The following KCNIP4 variants were observed in gnomAD, a reference collection of about 807,000 sequenced individuals.
KCNIP4 encodes the protein Kv channel-interacting protein 4.
KCNIP4 carries 12 observed loss-of-function variants against 34.0 expected under a neutral mutation model. The ratio of observed to expected loss-of-function variants is 0.35; its 90% CI spans 0.23 to 0.57. The LOEUF is 0.57. Among genes scored for constraint, KCNIP4 ranks in the 20% least tolerant of loss-of-function variants. KCNIP4 has a pLI of 0.83. For synonymous variants in KCNIP4, 124 were observed against 102.2 expected (o/e 1.21, Z -1.29); for missense variants, 238 against 311.7 (o/e 0.76, Z 1.78).
At chr4:20,920,599 G>GT (rs1177019154) in intron 1 of KCNIP4, among the ~76,000 whole-genome samples, 81 of 152,302 alleles carry the variant, frequency 5.3e-4, no homozygotes, top group African/African-American at 1.7e-3. Context: ...GTCTAGTCAT[G>GT]TTTTTATGAG....
intron 3 of KCNIP4, among the ~76,000 whole-genome samples, chr4:20,817,604 A>G (rs1716571194): frequency 6.8e-6 from 1 of 146,082 alleles, no homozygotes; most frequent in African/African-American, 2.5e-5. Flanking sequence ...CTATCACCTT[A>G]TTGCCATTTA....
chr4:21,837,303 G>A (rs11725110), intron 1 of KCNIP4, among the ~76,000 whole-genome samples: 11,814 of 150,186 alleles, frequency 0.079, 550 homozygotes, highest in Middle Eastern at 0.14. Context: ...GGGGGCCAAG[G>A]TGGGTGGATC....
At chr4:21,642,405 G>A (rs1444257758) in intron 1 of KCNIP4, among the ~76,000 whole-genome samples, 1 of 152,066 alleles carries the variant, frequency 6.6e-6, no homozygotes, top group South Asian at 2.1e-4. Context: ...TTGAAGACTC[G>A]GTTACAGTGT....
chr4:21,496,642 T>A (rs775412306), intron 1 of KCNIP4, among the ~76,000 whole-genome samples: 6 of 152,154 alleles, frequency 3.9e-5, no homozygotes, highest in Non-Finnish European at 8.8e-5. Flanking sequence ...GTCCCCAACC[T>A]TGGGGCTGTG....
intron 1 of KCNIP4, among the ~76,000 whole-genome samples, chr4:21,125,227 T>TTTTATTTTATTTTATTTTATTTTA (rs1298614373): frequency 6.7e-6 from 1 of 150,072 alleles, no homozygotes; most frequent in Non-Finnish European, 1.5e-5. Context: ...TTTTATTTTA[T>TTTTATTTTATTTTATTTTATTTTA]TTTATTGTGA....
At chr4:21,328,608 T>C (rs2109318224) in intron 1 of KCNIP4, among the ~76,000 whole-genome samples, 1 of 152,314 alleles carries the variant, frequency 6.6e-6, no homozygotes, top group South Asian at 2.1e-4. Flanking sequence ...CACTCATTTC[T>C]TTAGGGCGCC....
chr4:21,457,811 G>A (rs1043065386), intron 1 of KCNIP4, among the ~76,000 whole-genome samples: 13 of 151,846 alleles, frequency 8.6e-5, no homozygotes, highest in African/African-American at 3.1e-4. Context: ...ATTGCTCTAT[G>A]GTAAAAAAGA....
At chr4:21,610,414 A>G (rs1289600349) in intron 1 of KCNIP4, among the ~76,000 whole-genome samples, 1 of 152,188 alleles carries the variant, frequency 6.6e-6, no homozygotes. Context: ...CAGCAGTGAT[A>G]TTGGCTTAGG....
intron 1 of KCNIP4, among the ~76,000 whole-genome samples, chr4:20,995,774 C>T (rs1236040515): frequency 1.3e-5 from 2 of 152,112 alleles, no homozygotes; most frequent in Non-Finnish European, 2.9e-5. Context: ...CACCTCACTG[C>T]ATTTGTGCAA....
intron 1 of KCNIP4, among the ~76,000 whole-genome samples, chr4:21,575,016 T>C (rs1386495482): frequency 6.6e-6 from 1 of 152,208 alleles, no homozygotes; most frequent in Non-Finnish European, 1.5e-5. Context: ...TGTATGTCAT[T>C]ATATATGACT....
At position 21,135,429 on chromosome 4, in the gene KCNIP4, A is replaced by G. The variant is rs1285361155; in HGVS notation, c.62-252720T>C. Among the ~76,000 whole-genome samples the G allele has an allele frequency of 7.2e-5, 11 of 152,184 alleles. No homozygotes were observed. In the South Asian group the frequency reaches 2.3e-3, roughly 31 times the overall value. Reference sequence around the variant, plus strand: ...CCCCATTTTTGTAGACCTTTTACTCATAGAAAATATGGGCTCTATCAGATA... The same window carrying G: ...CCCCATTTTTGTAGACCTTTTACTCGTAGAAAATATGGGCTCTATCAGATA... On this transcript the variant is annotated intron_variant, in intron 1 of 8. Transcript: ENST00000382152.
intron 1 of KCNIP4, among the ~76,000 whole-genome samples, chr4:21,506,147 A>T (rs1733830108): frequency 6.6e-6 from 1 of 152,130 alleles, no homozygotes; most frequent in Non-Finnish European, 1.5e-5. Flanking sequence ...TATGACTATT[A>T]TGTGGACATG....
chr4:21,105,139 A>G (rs531451104), intron 1 of KCNIP4, among the ~76,000 whole-genome samples: 1 of 151,626 alleles, frequency 6.6e-6, no homozygotes, highest in African/African-American at 2.4e-5. Context: ...GAAGAAAGTC[A>G]TTGGTAGCTT....
chr4:21,095,188 G>C (rs1346893762), intron 1 of KCNIP4, among the ~76,000 whole-genome samples: 1 of 152,198 alleles, frequency 6.6e-6, no homozygotes, highest in Non-Finnish European at 1.5e-5. Flanking sequence ...ATAAATGTAT[G>C]CATGTGTGAT....
At chr4:21,005,924 A>G (rs1738515033) in intron 1 of KCNIP4, among the ~76,000 whole-genome samples, 1 of 152,206 alleles carries the variant, frequency 6.6e-6, no homozygotes, top group South Asian at 2.1e-4. Context: ...TGAAATTTGC[A>G]TGCAAACTTT....
chr4:21,257,749 CAAAAAAAA>C lies in KCNIP4; in HGVS notation c.62-375048_62-375041del, dbSNP rs34379604. Among the ~76,000 whole-genome samples the C allele has an allele frequency of 2.9e-3, 297 of 103,552 alleles. 2 individuals carry two copies. The highest frequency in any genetic ancestry group is 0.012 in the African/African-American group (278 of 23,068). The allele number at this position is 103,552 out of a possible 152,430, so 67.9% of individuals were successfully genotyped here. A position where few individuals can be genotyped will look rare whatever the true frequency, so the allele number is the denominator to read the frequency against. Reference sequence around the variant, plus strand: ...TGGGTGACACAGCAAGACTCAGTCTCAAAAAAAAAAAAAAAAGAAAGAAAGAAAAAGAA... The same window carrying C: ...TGGGTGACACAGCAAGACTCAGTCTCAAAAAAAAGAAAGAAAGAAAAAGAA... On this transcript the variant is annotated intron_variant, in intron 1 of 8. Coordinates refer to ENST00000382152, the MANE Select transcript of KCNIP4 (RefSeq NM_025221.6).
At chr4:21,903,309 C>T (rs1373840621) in intron 1 of KCNIP4, among the ~76,000 whole-genome samples, 1 of 151,772 alleles carries the variant, frequency 6.6e-6, no homozygotes, top group Non-Finnish European at 1.5e-5. Flanking sequence ...TTGAATAGAC[C>T]AGGAATAGGA....
intron 1 of KCNIP4, among the ~76,000 whole-genome samples, chr4:20,961,836 C>T (rs1733880540): frequency 1.3e-5 from 2 of 152,198 alleles, no homozygotes; most frequent in African/African-American, 2.4e-5. Context: ...GTATACACAA[C>T]TTGGGAATAT....
At chr4:21,866,356 G>A (rs2109358638) in intron 1 of KCNIP4, among the ~76,000 whole-genome samples, 1 of 152,222 alleles carries the variant, frequency 6.6e-6, no homozygotes, top group Non-Finnish European at 1.5e-5. Context: ...TTTATTCAGG[G>A]GAAAAAGCAG....
Sources: allele counts gnomAD v4.1 joint callset (sites outside exome capture counted in the v4.1 genomes callset), GRCh38; gene constraint gnomAD v4.1.1; transcripts MANE v1.5; gene names NCBI Gene and HGNC (gene_info 2026-07-23, HGNC 2026-07-21).